SLC16A1: variants seen among roughly 807,000 people sequenced by gnomAD.
The protein encoded by SLC16A1 is monocarboxylate transporter 1.
A neutral mutation model predicts 32.2 loss-of-function variants in SLC16A1; 11 were observed. That is an observed-to-expected ratio of 0.34 (90% CI 0.21 to 0.56). The LOEUF (loss-of-function observed/expected upper bound fraction) is 0.56. Ranked by LOEUF, SLC16A1 falls within the 20% of genes least tolerant of loss-of-function variation. The pLI, the probability that SLC16A1 is intolerant of heterozygous loss-of-function variation, is 0.87. For missense variants in SLC16A1, 435 were observed against 615.0 expected (o/e 0.71, Z 3.10); for synonymous variants, 231 against 226.8 (o/e 1.02, Z -0.17).
chr1:112,938,976 C>T (rs568887714), intron 1 of SLC16A1, among the ~76,000 whole-genome samples: 116 of 151,542 alleles, frequency 7.7e-4, no homozygotes, highest in African/African-American at 2.6e-3. Context: ...CTGCAACCTC[C>T]GCCATCCGGT....
At chr1:112,927,724 G>T (rs1345541610) in intron 2 of SLC16A1, among the ~76,000 whole-genome samples, 1 of 152,196 alleles carries the variant, frequency 6.6e-6, no homozygotes, top group Non-Finnish European at 1.5e-5. Context: ...ATTGAGTAAG[G>T]ACAAAGAAGG....
intron 1 of SLC16A1, among the ~76,000 whole-genome samples, chr1:112,954,079 T>C (rs1649993793): frequency 6.6e-6 from 1 of 152,188 alleles, no homozygotes; most frequent in African/African-American, 2.4e-5. Context: ...GCCGAACATA[T>C]AAAATTCACA....
At chr1:112,923,867 C>T (rs1029853560) in intron 2 of SLC16A1, 12 of 1,516,190 alleles carry the variant, frequency 7.9e-6, no homozygotes, top group South Asian at 5.6e-5. Context: ...GCATGTACAA[C>T]GCCACCACCC....
chr1:112,936,623 A>C (rs981323304), intron 1 of SLC16A1, among the ~76,000 whole-genome samples: 1 of 152,006 alleles, frequency 6.6e-6, no homozygotes, highest in Admixed American at 6.6e-5. Context: ...TGCATTCTGG[A>C]ATTTTCCCTT....
intron 1 of SLC16A1, among the ~76,000 whole-genome samples, chr1:112,939,575 G>C (rs531423360): frequency 1.3e-5 from 2 of 151,874 alleles, no homozygotes; most frequent in African/African-American, 4.8e-5. Flanking sequence ...GCATGATCTC[G>C]GCTCACTGCA....
intron 1 of SLC16A1, among the ~76,000 whole-genome samples, chr1:112,938,240 A>G (rs536591829): frequency 6.6e-6 from 1 of 152,330 alleles, no homozygotes; most frequent in East Asian, 1.9e-4. Flanking sequence ...GGTTTCAAAC[A>G]CATGGAAACA....
At chr1:112,928,432 TAA>T (rs1398056109) in intron 2 of SLC16A1, among the ~76,000 whole-genome samples, 1 of 152,212 alleles carries the variant, frequency 6.6e-6, no homozygotes, top group African/African-American at 2.4e-5. Context: ...AGCCTAAGGC[TAA>T]GTTATTTATA....
At position 112,942,356 on chromosome 1, in the gene SLC16A1, C is replaced by T. The variant is rs1570642020; in HGVS notation, c.-44-13004G>A. 1.3e-5 allele frequency among the ~76,000 whole-genome samples: 2 copies of T among 152,272 alleles called. 1 individual carries two copies. On this transcript the variant is annotated intron_variant, in intron 1 of 4. Transcript: ENST00000369626. ...GTCCAACTGAGTCAGCTGAGCAAAGCTTCAATGCTGAAATTTTTTGAAAAG... is the reference window on the plus strand; with the variant it reads ...GTCCAACTGAGTCAGCTGAGCAAAGTTTCAATGCTGAAATTTTTTGAAAAG...
chr1:112,917,079 C>T lies in SLC16A1; in HGVS notation c.1228+99G>A. The T allele has an allele frequency of 6.8e-7, 1 of 1,465,234 alleles. No individual in the cohort carries two copies. Among genetic ancestry groups the T allele is most frequent in the Non-Finnish European group, 9.5e-7 (1 of 1,057,678 alleles). 90.8% of individuals were successfully genotyped at this position (1,465,234 alleles called of 1,614,324 possible). A position where few individuals can be genotyped will look rare whatever the true frequency, so the allele number is the denominator to read the frequency against. On this transcript the variant is annotated intron_variant, in intron 4 of 4. Transcript: ENST00000369626. The surrounding 1 kb of genome is among the most constrained non-coding windows in gnomAD (Gnocchi z 4.1). ...GGTACATAAATGAGAAAGATTTATT[C>T]TTACCCAAATAGCTCACTAATGTTT... is the stretch of plus-strand genomic sequence containing the variant.
At chr1:112,924,417 A>C in intron 2 of SLC16A1, 1 of 1,003,196 alleles carries the variant, frequency 1.0e-6, no homozygotes, top group South Asian at 1.3e-5. Context: ...TTAATTTAGA[A>C]GTGCCTCAGT....
chr1:112,953,817 G>A (rs1649985080), intron 1 of SLC16A1, among the ~76,000 whole-genome samples: 1 of 152,194 alleles, frequency 6.6e-6, no homozygotes, highest in Admixed American at 6.5e-5. Flanking sequence ...TTTCCTCAGA[G>A]AGGTCTAGCC....
At chr1:112,940,154 T>C (rs1412679320) in intron 1 of SLC16A1, among the ~76,000 whole-genome samples, 1 of 151,184 alleles carries the variant, frequency 6.6e-6, no homozygotes, top group African/African-American at 2.4e-5. Context: ...CCTCCCACCT[T>C]AGTCTCACGA....
chr1:112,930,725 T>TG (rs1491098414), intron 1 of SLC16A1, among the ~76,000 whole-genome samples: 2 of 122,702 alleles, frequency 1.6e-5, no homozygotes, highest in African/African-American at 8.4e-5. Context: ...ACATTTTAGG[T>TG]TTTTTTTTTT....
At chr1:112,916,822 G>A (rs561036330) in intron 4 of SLC16A1, among the ~76,000 whole-genome samples, 6 of 152,092 alleles carry the variant, frequency 3.9e-5, no homozygotes, top group Middle Eastern at 6.8e-3. Flanking sequence ...CCCAGCTACC[G>A]GGAGGCTGAG....
At chr1:112,919,326 A>C (rs2101623496) in intron 3 of SLC16A1, among the ~76,000 whole-genome samples, 1 of 152,136 alleles carries the variant, frequency 6.6e-6, no homozygotes, top group South Asian at 2.1e-4. Context: ...AAGCCACCGC[A>C]CCCAGCCTGA....
intron 1 of SLC16A1, among the ~76,000 whole-genome samples, chr1:112,933,560 T>C (rs1219013727): frequency 2.7e-5 from 4 of 148,658 alleles, no homozygotes; most frequent in Non-Finnish European, 6.0e-5. Context: ...TGCACAACGA[T>C]AGCAAAAAGG....
chr1:112,948,293 C>G (rs1055147336), intron 1 of SLC16A1, among the ~76,000 whole-genome samples: 1 of 151,900 alleles, frequency 6.6e-6, no homozygotes, highest in African/African-American at 2.4e-5. Context: ...ATACTATTCT[C>G]AAATGTTTAC....
intron 1 of SLC16A1, among the ~76,000 whole-genome samples, chr1:112,947,273 T>C (rs2101650777): frequency 6.6e-6 from 1 of 152,326 alleles, no homozygotes; most frequent in East Asian, 1.9e-4. Flanking sequence ...GTTCCAGAAT[T>C]TGAAGAAATG....
chr1:112,945,624 G>A (rs1179863409), intron 1 of SLC16A1, among the ~76,000 whole-genome samples: 6 of 149,072 alleles, frequency 4.0e-5, no homozygotes, highest in African/African-American at 1.5e-4. Flanking sequence ...GCAGTGAGCC[G>A]AGATCGTGCC....
Sources: allele counts gnomAD v4.1 joint callset (sites outside exome capture counted in the v4.1 genomes callset), GRCh38; gene constraint gnomAD v4.1.1; non-coding constraint Gnocchi (gnomAD v3.1); transcripts MANE v1.5; gene names NCBI Gene and HGNC (gene_info 2026-07-23, HGNC 2026-07-21).